NLRP14: variants seen among roughly 807,000 people sequenced by gnomAD.
NLRP14 encodes the protein NLR family pyrin domain containing 14.
Under a neutral mutation model 94.7 loss-of-function variants are expected in NLRP14, and 105 were observed. The ratio of observed to expected loss-of-function variants is 1.11; its 90% CI spans 0.95 to 1.30. The LOEUF (loss-of-function observed/expected upper bound fraction) is 1.30. NLRP14 is among the 50% of genes most tolerant of loss of function. The pLI, the probability that NLRP14 is intolerant of heterozygous loss-of-function variation, is 0.00. For synonymous variants in NLRP14, 508 were observed against 459.9 expected (o/e 1.10, Z -1.34); for missense variants, 1,362 against 1,254.1 (o/e 1.09, Z -1.30).
At chr11:7,046,475 G>C (rs559153299) in intron 4 of NLRP14, among the ~76,000 whole-genome samples, 193 bp from the exon 5 acceptor site, 1 of 152,254 alleles carries the variant, frequency 6.6e-6, no homozygotes, top group Admixed American at 6.5e-5. Context: ...AAACGGGAGA[G>C]CTATTGGACA....
intron 1 of NLRP14, among the ~76,000 whole-genome samples, chr11:7,033,528 A>G (rs1852123928): frequency 6.6e-6 from 1 of 152,204 alleles, no homozygotes; most frequent in South Asian, 2.1e-4. Flanking sequence ...CCTGAATATT[A>G]CATTTACATT....
At chr11:7,059,333 G>A (rs1181569221) in intron 8 of NLRP14, among the ~76,000 whole-genome samples, 3 of 151,312 alleles carry the variant, frequency 2.0e-5, no homozygotes, top group Non-Finnish European at 4.4e-5. Flanking sequence ...TGACCTCAAG[G>A]AGTTTGGAAG....
At chr11:7,046,915 G>A in intron 5 of NLRP14, 83 bp downstream of exon 5, 1 of 1,013,460 alleles carries the variant, frequency 9.9e-7, no homozygotes, top group East Asian at 2.4e-5. Context: ...GTTAGGGGAA[G>A]CCAATGCTAA....
intron 10 of NLRP14, among the ~76,000 whole-genome samples, chr11:7,069,322 T>C (rs1852755994): frequency 6.6e-6 from 1 of 152,234 alleles, no homozygotes; most frequent in African/African-American, 2.4e-5. Flanking sequence ...TCAGCATCTA[T>C]ATAGGTACTC....
At chr11:7,052,154 G>T (rs1443299943) in intron 6 of NLRP14, among the ~76,000 whole-genome samples, 1 of 152,144 alleles carries the variant, frequency 6.6e-6, no homozygotes, top group African/African-American at 2.4e-5. Flanking sequence ...ATTGTGCCCA[G>T]GATCTCTTCT....
At chr11:7,050,759 G>A (rs1410974176) in intron 6 of NLRP14, among the ~76,000 whole-genome samples, 1 of 152,168 alleles carries the variant, frequency 6.6e-6, no homozygotes, top group African/African-American at 2.4e-5. Context: ...GAAAGTTGTT[G>A]GATAATTCTC....
At chr11:7,058,242 G>T (rs1222805035) in intron 7 of NLRP14, 38 bp from the exon 8 acceptor site, 2 of 1,574,872 alleles carry the variant, frequency 1.3e-6, no homozygotes, top group Admixed American at 3.3e-5. Flanking sequence ...ATGGGCTTTG[G>T]GAATTGACAG....
chr11:7,022,187 G>A (rs1393764299), intron 1 of NLRP14, among the ~76,000 whole-genome samples: 2 of 152,114 alleles, frequency 1.3e-5, no homozygotes, highest in Non-Finnish European at 2.9e-5. Context: ...CATTTTTTAT[G>A]ACTCTGGAAG....
chr11:7,090,673 G>A, the NLRP14 span: 1 of 325,176 alleles, frequency 3.1e-6, no homozygotes, highest in East Asian at 8.7e-5. Flanking sequence ...TGGAAAAACG[G>A]ATCATTCTGC....
chr11:7,077,385 C>T, the NLRP14 span, among the ~76,000 whole-genome samples: 380 of 152,350 alleles, frequency 2.5e-3, no homozygotes, highest in Non-Finnish European at 4.6e-3. Context: ...GCAATTTCGC[C>T]AATCTGGGCC....
intron 8 of NLRP14, among the ~76,000 whole-genome samples, chr11:7,058,860 T>C (rs990499579): frequency 2.0e-5 from 3 of 152,002 alleles, no homozygotes; most frequent in Admixed American, 2.0e-4. Flanking sequence ...CTGAATCACA[T>C]TGTGATTATT....
chr11:7,047,479 A>T (rs1330149048), intron 5 of NLRP14, among the ~76,000 whole-genome samples: 2 of 150,538 alleles, frequency 1.3e-5, no homozygotes, highest in African/African-American at 2.4e-5. Context: ...ATTTTTTTTT[A>T]ATTTTTTGTA....
chr11:7,027,175 A>G (rs540819370), intron 1 of NLRP14, among the ~76,000 whole-genome samples: 1 of 151,206 alleles, frequency 6.6e-6, no homozygotes, highest in South Asian at 2.1e-4. Flanking sequence ...TCTATACTAT[A>G]TCCTTCCCAT....
chr11:7,060,932 T>C (rs1340858314), intron 9 of NLRP14, among the ~76,000 whole-genome samples: 5 of 152,086 alleles, frequency 3.3e-5, no homozygotes, highest in African/African-American at 7.2e-5. Flanking sequence ...GTATGGTATT[T>C]AGTATTTCAT....
chr11:7,033,701 A>T (rs542169179), intron 1 of NLRP14, among the ~76,000 whole-genome samples: 1 of 152,302 alleles, frequency 6.6e-6, no homozygotes, highest in South Asian at 2.1e-4. Context: ...TTTGAATTCT[A>T]AGGACAAGAG....
At chr11:7,046,900 T>A in intron 5 of NLRP14, 68 bp downstream of exon 5, 1 of 1,178,774 alleles carries the variant, frequency 8.5e-7, no homozygotes, top group East Asian at 2.3e-5. Flanking sequence ...CTTCCACTCA[T>A]ACTCGTTAGG....
chr11:7,024,851 C>T (rs1234525516), intron 1 of NLRP14, among the ~76,000 whole-genome samples: 3 of 151,222 alleles, frequency 2.0e-5, no homozygotes, highest in Non-Finnish European at 4.4e-5. Context: ...CAAAAGGTAT[C>T]CTATATGATT....
chr11:7,079,140 G>T, the NLRP14 span, among the ~76,000 whole-genome samples: 1 of 152,186 alleles, frequency 6.6e-6, no homozygotes, highest in South Asian at 2.1e-4. Context: ...TTTCTGGGGG[G>T]CCAGAGGAAG....
chr11:7,037,137 A>G (rs1048305551), intron 1 of NLRP14, among the ~76,000 whole-genome samples: 2 of 152,212 alleles, frequency 1.3e-5, no homozygotes, highest in African/African-American at 4.8e-5. Context: ...CATATTCTCT[A>G]TGTCCTGGAG....
Sources: allele counts gnomAD v4.1 joint callset (sites outside exome capture counted in the v4.1 genomes callset), GRCh38; gene constraint gnomAD v4.1.1; transcripts MANE v1.5; gene names NCBI Gene and HGNC (gene_info 2026-07-23, HGNC 2026-07-21).